GALNT17: variants seen among roughly 807,000 people sequenced by gnomAD.
GALNT17 encodes UDP-GalNAc:polypeptide N-acetylgalactosaminyltransferase-like 3.
Under a neutral mutation model 63.7 loss-of-function variants are expected in GALNT17, and 29 were observed. The ratio of observed to expected loss-of-function variants is 0.46; its 90% CI spans 0.34 to 0.62. The LOEUF is 0.62. Among genes scored for constraint, GALNT17 ranks in the 20% least tolerant of loss-of-function variants. The pLI is 0.01. For synonymous variants in GALNT17, 305 were observed against 318.3 expected (o/e 0.96, Z 0.45); for missense variants, 603 against 799.6 (o/e 0.75, Z 2.97).
chr7:71,233,692 C>T (rs745952053), intron 1 of GALNT17, among the ~76,000 whole-genome samples: 2 of 151,954 alleles, frequency 1.3e-5, no homozygotes, highest in Non-Finnish European at 2.9e-5. Context: ...GTAGGGGTGG[C>T]CTTGCCTTTG....
At chr7:71,444,270 C>A (rs1583958736) in intron 5 of GALNT17, among the ~76,000 whole-genome samples, 2 of 152,218 alleles carry the variant, frequency 1.3e-5, no homozygotes, top group Admixed American at 6.5e-5. Flanking sequence ...CCAGCCCCAG[C>A]TGCAGGCTTC....
intron 1 of GALNT17, among the ~76,000 whole-genome samples, chr7:71,245,346 G>A (rs139638744): frequency 0.019 from 2,834 of 152,276 alleles, 50 homozygotes; most frequent in Middle Eastern, 0.034. Flanking sequence ...ATTTTGTGAG[G>A]CAGAATGTTG....
chr7:71,694,897 G>A (rs1791516986), intron 9 of GALNT17, among the ~76,000 whole-genome samples: 1 of 152,212 alleles, frequency 6.6e-6, no homozygotes, highest in African/African-American at 2.4e-5. Flanking sequence ...AAGAAAGTGA[G>A]CTGGTTGAGC....
In GALNT17 at chr7:71,697,521, G is replaced by A. The variant is rs191761662; in HGVS notation, c.1501-13240G>A. Among the ~76,000 whole-genome samples the A allele has an allele frequency of 9.9e-5, 15 of 152,178 alleles. No homozygotes were observed. The Middle Eastern group carries it at 0.01, about 104-fold the overall frequency. On this transcript the variant is annotated intron_variant, in intron 9 of 10. Coordinates refer to ENST00000333538, the MANE Select transcript of GALNT17 (RefSeq NM_022479.3). ...GTAACAGGGAGCTAATTGTCTGTTG[G>A]CTCCACACTGCAGGAATGAGAGTCA...
intron 9 of GALNT17, among the ~76,000 whole-genome samples, chr7:71,691,817 A>G (rs927458290): frequency 1.3e-5 from 2 of 152,320 alleles, no homozygotes; most frequent in African/African-American, 4.8e-5. Flanking sequence ...CCACAGCCAA[A>G]TAAGTGAAAG....
intron 3 of GALNT17, among the ~76,000 whole-genome samples, chr7:71,403,027 G>A (rs1004427120): frequency 1.3e-5 from 2 of 152,126 alleles, no homozygotes; most frequent in Non-Finnish European, 2.9e-5. Flanking sequence ...TGCTATGTGG[G>A]TCTGTAATCC....
intron 6 of GALNT17, among the ~76,000 whole-genome samples, chr7:71,625,644 AGCTGTGTGATT>A (rs1193331485): frequency 2.0e-5 from 3 of 152,066 alleles, no homozygotes; most frequent in Non-Finnish European, 4.4e-5. Flanking sequence ...AGAGCCCATG[AGCTGTGTGATT>A]GCAAGCAGGT....
At chr7:71,337,336 T>C (rs1791926389) in intron 2 of GALNT17, among the ~76,000 whole-genome samples, 1 of 152,222 alleles carries the variant, frequency 6.6e-6, no homozygotes, top group Non-Finnish European at 1.5e-5. Context: ...TATCTTTATA[T>C]GTTTTGATTT....
chr7:71,704,872 C>T (rs548953684), intron 9 of GALNT17, among the ~76,000 whole-genome samples: 2 of 152,174 alleles, frequency 1.3e-5, no homozygotes, highest in East Asian at 1.9e-4. Context: ...ATTCAAAGGG[C>T]ATCAAAGACC....
At chr7:71,308,263 A>G (rs1791344482) in intron 1 of GALNT17, among the ~76,000 whole-genome samples, 1 of 151,750 alleles carries the variant, frequency 6.6e-6, no homozygotes, top group South Asian at 2.1e-4. Context: ...GCTCGGTGGG[A>G]GCAGATCCTG....
intron 1 of GALNT17, among the ~76,000 whole-genome samples, chr7:71,239,301 C>A (rs902263570): frequency 7.3e-5 from 11 of 150,980 alleles, no homozygotes; most frequent in Non-Finnish European, 1.5e-4. Context: ...CTGTACCCCC[C>A]CCCAAAAAAA....
chr7:71,688,950 G>T (rs933334410), intron 9 of GALNT17, among the ~76,000 whole-genome samples: 1 of 152,148 alleles, frequency 6.6e-6, no homozygotes, highest in Non-Finnish European at 1.5e-5. Context: ...AACAGCACCT[G>T]CTCACTTCCT....
chr7:71,464,095 C>G (rs1251486304), intron 5 of GALNT17, among the ~76,000 whole-genome samples: 1 of 152,134 alleles, frequency 6.6e-6, no homozygotes, highest in Non-Finnish European at 1.5e-5. Flanking sequence ...CGAACCCAAC[C>G]TCCAAGTCTT....
intron 2 of GALNT17, among the ~76,000 whole-genome samples, chr7:71,375,181 C>G (rs1792698366): frequency 2.0e-5 from 3 of 152,106 alleles, no homozygotes; most frequent in Non-Finnish European, 4.4e-5. Context: ...GAAAGTAACA[C>G]AAGGACATAG....
intron 2 of GALNT17, among the ~76,000 whole-genome samples, chr7:71,349,345 G>C (rs904439497): frequency 6.6e-6 from 1 of 152,174 alleles, no homozygotes; most frequent in Non-Finnish European, 1.5e-5. Flanking sequence ...CGTGTGCGCT[G>C]TGCAGGGAGA....
intron 6 of GALNT17, among the ~76,000 whole-genome samples, chr7:71,609,746 A>G (rs1790097382): frequency 6.6e-6 from 1 of 152,094 alleles, no homozygotes. Context: ...GTGACTATAT[A>G]CTATGTACAT....
At chr7:71,473,604 G>A (rs1347856190) in intron 5 of GALNT17, among the ~76,000 whole-genome samples, 1 of 152,108 alleles carries the variant, frequency 6.6e-6, no homozygotes, top group Non-Finnish European at 1.5e-5. Flanking sequence ...AACTCCAAAA[G>A]GGGTGGGGCA....
At chr7:71,397,411 C>T (rs11762660) in intron 3 of GALNT17, among the ~76,000 whole-genome samples, 11,766 of 152,016 alleles carry the variant, frequency 0.077, 597 homozygotes, top group Middle Eastern at 0.14. Context: ...AGGAGCAGGT[C>T]AAAGCAGAAC....
intron 2 of GALNT17, among the ~76,000 whole-genome samples, chr7:71,358,156 C>T (rs766283716): frequency 5.9e-5 from 9 of 152,132 alleles, no homozygotes; most frequent in Admixed American, 3.3e-4. Flanking sequence ...TGAAGATCCG[C>T]GGCTCCATTC....
Sources: gnomAD v4.1 joint callset for allele counts (sites outside exome capture counted in the v4.1 genomes callset) on GRCh38, gnomAD v4.1.1 for gene constraint, MANE v1.5 for transcripts, NCBI Gene and HGNC (gene_info 2026-07-23, HGNC 2026-07-21) for gene names.